The following BICRAL variants were observed in gnomAD, a reference collection of about 807,000 sequenced individuals.
BICRAL encodes the protein BICRA like chromatin remodeling complex associated protein, also known as BRD4-interacting chromatin-remodeling complex-associated protein-like.
A neutral mutation model predicts 91.8 loss-of-function variants in BICRAL; 8 were observed. The ratio of observed to expected loss-of-function variants is 0.09; its 90% CI spans 0.05 to 0.16. The LOEUF is 0.16. Ranked by LOEUF, BICRAL falls within the 10% of genes least tolerant of loss-of-function variation. BICRAL has a pLI of 1.00. For missense variants in BICRAL, 1,038 were observed against 1,310.9 expected (o/e 0.79, Z 3.21); for synonymous variants, 445 against 491.1 (o/e 0.91, Z 1.24).
chr6:42,814,092 A>G (rs1258417655), intron 2 of BICRAL, among the ~76,000 whole-genome samples: 1 of 152,052 alleles, frequency 6.6e-6, no homozygotes, highest in Non-Finnish European at 1.5e-5. Flanking sequence ...AAGTCTCTCA[A>G]TAATTTGCTA....
chr6:42,863,073 G>A (rs141882349), intron 12 of BICRAL, among the ~76,000 whole-genome samples: 1,622 of 140,960 alleles, frequency 0.012, 22 homozygotes, highest in African/African-American at 0.04. Flanking sequence ...TTTTTGAGAC[G>A]GAGTATCGCT....
chr6:42,812,419 C>T (rs1763866895), intron 2 of BICRAL, among the ~76,000 whole-genome samples: 1 of 151,732 alleles, frequency 6.6e-6, no homozygotes, highest in African/African-American at 2.4e-5. Flanking sequence ...ACAGTGAGAC[C>T]CTGCCTCTTC....
intron 1 of BICRAL, among the ~76,000 whole-genome samples, chr6:42,782,378 T>G (rs1242060716): frequency 9.8e-4 from 79 of 80,858 alleles, no homozygotes; most frequent in Admixed American, 1.7e-3. Flanking sequence ...GTGATGGTGG[T>G]GGTGGGTGGA....
At chr6:42,844,481 C>G (rs1384532109) in intron 6 of BICRAL, among the ~76,000 whole-genome samples, 1 of 120,112 alleles carries the variant, frequency 8.3e-6, no homozygotes, top group Non-Finnish European at 1.6e-5. Flanking sequence ...TGCACTCCAG[C>G]GTGGGCTACA....
chr6:42,786,964 T>C (rs966172223), intron 1 of BICRAL, among the ~76,000 whole-genome samples: 3 of 152,094 alleles, frequency 2.0e-5, no homozygotes, highest in African/African-American at 7.2e-5. Flanking sequence ...CTAATGGCAA[T>C]GAGAGGGGTT....
At chr6:42,792,894 C>T (rs190197716) in intron 1 of BICRAL, among the ~76,000 whole-genome samples, 4 of 151,108 alleles carry the variant, frequency 2.6e-5, no homozygotes, top group Admixed American at 2.0e-4. Context: ...GACTGGGCGA[C>T]GAGAGTGAAA....
intron 2 of BICRAL, chr6:42,821,080 T>C (rs1376016008): frequency 6.6e-6 from 1 of 152,290 alleles, no homozygotes; most frequent in Non-Finnish European, 1.5e-5. Context: ...ATTTCATTCC[T>C]ACGTCCAACT....
At chr6:42,754,920 C>G (rs1041983312) in intron 1 of BICRAL, among the ~76,000 whole-genome samples, 1 of 152,324 alleles carries the variant, frequency 6.6e-6, no homozygotes, top group Non-Finnish European at 1.5e-5. Context: ...AACAGCTGAT[C>G]AAGACCTCCC....
chr6:42,752,912 C>CTT (rs57864510), intron 1 of BICRAL, among the ~76,000 whole-genome samples: 4,870 of 82,028 alleles, frequency 0.059, 164 homozygotes, highest in Non-Finnish European at 0.079. Context: ...CCCCAGCTGA[C>CTT]TTTTTTTTTT....
At chr6:42,812,157 G>A (rs182405988) in intron 2 of BICRAL, among the ~76,000 whole-genome samples, 1 of 152,108 alleles carries the variant, frequency 6.6e-6, no homozygotes, top group Non-Finnish European at 1.5e-5. Context: ...ACAAATGATA[G>A]AATTAATCAT....
chr6:42,820,841 A>ACTGG (rs1764117999), intron 2 of BICRAL, among the ~76,000 whole-genome samples: 1 of 152,182 alleles, frequency 6.6e-6, no homozygotes. Context: ...GGGGAAGATC[A>ACTGG]CTGGCAGATC....
intron 6 of BICRAL, among the ~76,000 whole-genome samples, chr6:42,836,329 C>G (rs188112358): frequency 1.3e-5 from 2 of 152,138 alleles, no homozygotes; most frequent in African/African-American, 4.8e-5. Context: ...CTCTCTGACT[C>G]CCAAAAGTTT....
At chr6:42,856,553 TTG>T (rs1483717593) in intron 9 of BICRAL, among the ~76,000 whole-genome samples, 1 of 151,664 alleles carries the variant, frequency 6.6e-6, no homozygotes, top group Non-Finnish European at 1.5e-5. Flanking sequence ...TTTTGTATTT[TTG>T]TAGAGACAGA....
chr6:42,748,339 TAAG>T (rs1762323067), intron 1 of BICRAL, among the ~76,000 whole-genome samples: 1 of 152,198 alleles, frequency 6.6e-6, no homozygotes, highest in Non-Finnish European at 1.5e-5. Context: ...TCACTCAAAT[TAAG>T]AACGTTTGTA....
intron 10 of BICRAL, among the ~76,000 whole-genome samples, chr6:42,858,111 A>G (rs944778691): frequency 6.6e-6 from 1 of 151,024 alleles, no homozygotes; most frequent in African/African-American, 2.4e-5. Context: ...ACTCCTGGCC[A>G]AACTGTTTCT....
At chr6:42,785,747 C>T (rs6933426) in intron 1 of BICRAL, among the ~76,000 whole-genome samples, 9,153 of 152,124 alleles carry the variant, frequency 0.06, 409 homozygotes, top group African/African-American at 0.12. Flanking sequence ...AACCTAATAG[C>T]AGAATATGGA....
rs147217107 is a variant in BICRAL, at chr6:42,758,443, A to T, written c.-261+11420A>T. Among the ~76,000 whole-genome samples the T allele has an allele frequency of 2.2e-4, 33 of 152,236 alleles. No individual in the cohort carries two copies. The Middle Eastern group carries it at 0.017, about 78-fold the overall frequency. ...ACCAAGGTCTGCTGTCACCCAGCAC[A>T]CTGTGTCTGTTCACTTCCATGTATT... is the stretch of plus-strand genomic sequence containing the variant. On this transcript the variant is annotated intron_variant, in intron 1 of 14. Transcript: ENST00000614467.
chr6:42,796,577 A>C (rs1763417410), intron 1 of BICRAL, among the ~76,000 whole-genome samples: 1 of 152,152 alleles, frequency 6.6e-6, no homozygotes, highest in South Asian at 2.1e-4. Flanking sequence ...CACTTCTGGA[A>C]TTTGGGTTGA....
chr6:42,784,041 G>C (rs1763028457), intron 1 of BICRAL, among the ~76,000 whole-genome samples: 1 of 152,244 alleles, frequency 6.6e-6, no homozygotes, highest in East Asian at 1.9e-4. Flanking sequence ...CCTACGCTTC[G>C]TTTCTTAGTT....
Sources: gnomAD v4.1 joint callset for allele counts (sites outside exome capture counted in the v4.1 genomes callset) on GRCh38, gnomAD v4.1.1 for gene constraint, MANE v1.5 for transcripts, NCBI Gene and HGNC (gene_info 2026-07-23, HGNC 2026-07-21) for gene names.